The following GRIK4 variants were observed in gnomAD, a reference collection of about 807,000 sequenced individuals.
GRIK4 encodes glutamate receptor ionotropic, kainate 4.
Under a neutral mutation model 104.9 loss-of-function variants are expected in GRIK4, and 40 were observed. The ratio of observed to expected loss-of-function variants is 0.38; its 90% CI spans 0.30 to 0.50. The LOEUF (loss-of-function observed/expected upper bound fraction) is 0.50. Among genes scored for constraint, GRIK4 ranks in the 20% least tolerant of loss-of-function variants. The pLI is 0.93. For missense variants in GRIK4, 1,047 were observed against 1,308.1 expected (o/e 0.80, Z 3.08); for synonymous variants, 485 against 524.9 (o/e 0.92, Z 1.04).
intron 20 of GRIK4, among the ~76,000 whole-genome samples, chr11:120,984,780 AAAAC>A (rs961714377): frequency 5.6e-4 from 78 of 138,492 alleles, no homozygotes; most frequent in East Asian, 2.8e-3. Context: ...AAAAAAACCA[AAAAC>A]AAACAAACAA....
At chr11:120,748,665 C>A (rs1025986582) in intron 3 of GRIK4, among the ~76,000 whole-genome samples, 1 of 152,214 alleles carries the variant, frequency 6.6e-6, no homozygotes, top group Non-Finnish European at 1.5e-5. Flanking sequence ...ATGGCCTCCC[C>A]CTATACCTCA....
intron 8 of GRIK4, among the ~76,000 whole-genome samples, chr11:120,846,052 C>G (rs1198556232): frequency 6.6e-6 from 1 of 152,170 alleles, no homozygotes; most frequent in Admixed American, 6.5e-5. Flanking sequence ...GCTGCTAACC[C>G]TCCTGTACCT....
chr11:120,608,624 C>T (rs1948992363), intron 1 of GRIK4, among the ~76,000 whole-genome samples: 2 of 152,222 alleles, frequency 1.3e-5, no homozygotes, highest in South Asian at 4.1e-4. Context: ...GTGAGACTCA[C>T]AAGAATGATG....
At chr11:120,937,923 A>G (rs750744963) in intron 13 of GRIK4, among the ~76,000 whole-genome samples, 1 of 152,242 alleles carries the variant, frequency 6.6e-6, no homozygotes. Context: ...TGAGGAAAAT[A>G]AACTTGAGGA....
At chr11:120,794,450 C>T (rs1952471018) in intron 3 of GRIK4, among the ~76,000 whole-genome samples, 1 of 151,948 alleles carries the variant, frequency 6.6e-6, no homozygotes, top group Non-Finnish European at 1.5e-5. Flanking sequence ...TGAAGCCCCA[C>T]CCCCTAAGAC....
chr11:120,790,129 C>T (rs1952366279), intron 3 of GRIK4, among the ~76,000 whole-genome samples: 1 of 152,150 alleles, frequency 6.6e-6, no homozygotes, highest in South Asian at 2.1e-4. Flanking sequence ...ATATCACTTA[C>T]CGTATCAGGT....
At position 120,806,981 on chromosome 11, in the gene GRIK4, G is replaced by A. The variant is rs1448173769; in HGVS notation, c.247+4124G>A. Among the ~76,000 whole-genome samples the A allele has an allele frequency of 2.0e-5, 3 of 152,096 alleles. No homozygotes were observed. In the South Asian group the frequency reaches 6.2e-4, roughly 32 times the overall value. On this transcript the variant is annotated intron_variant, in intron 4 of 20. Coordinates refer to ENST00000527524, the MANE Select transcript of GRIK4 (RefSeq NM_014619.5). ...TATAATGGGTTTATTTAAAGTGAGG[G>A]TCACTTGTAAAGCTTTCTCCAGCCT...
chr11:120,798,015 A>G (rs1952552358), intron 3 of GRIK4, among the ~76,000 whole-genome samples: 1 of 152,282 alleles, frequency 6.6e-6, no homozygotes, highest in East Asian at 1.9e-4. Context: ...GAAATGTTTC[A>G]CAGTGTTCTG....
intron 3 of GRIK4, among the ~76,000 whole-genome samples, chr11:120,801,765 T>C (rs192821473): frequency 1.6e-4 from 24 of 152,328 alleles, no homozygotes; most frequent in African/African-American, 5.8e-4. Context: ...ATTAAGAATC[T>C]CTATAGCTAG....
intron 7 of GRIK4, among the ~76,000 whole-genome samples, chr11:120,833,414 G>A (rs1953490755): frequency 1.3e-5 from 2 of 152,196 alleles, no homozygotes; most frequent in South Asian, 4.1e-4. Flanking sequence ...GCTCCACCAA[G>A]TTTCACGAGA....
chr11:120,980,142 C>G (rs1484754147), intron 19 of GRIK4, among the ~76,000 whole-genome samples: 1 of 152,186 alleles, frequency 6.6e-6, no homozygotes, highest in Non-Finnish European at 1.5e-5. Context: ...AGCCCCTTTT[C>G]CTGTTTTCTA....
chr11:120,537,412 C>G (rs1406060977), intron 1 of GRIK4, among the ~76,000 whole-genome samples: 1 of 152,180 alleles, frequency 6.6e-6, no homozygotes, highest in Non-Finnish European at 1.5e-5. Context: ...ATCAAATCTA[C>G]CATCCTTAAT....
intron 3 of GRIK4, among the ~76,000 whole-genome samples, chr11:120,683,037 C>G (rs1950222546): frequency 6.6e-6 from 1 of 152,022 alleles, no homozygotes; most frequent in South Asian, 2.1e-4. Context: ...TGTCATCGTT[C>G]CTCAGAGATA....
intron 3 of GRIK4, among the ~76,000 whole-genome samples, chr11:120,680,426 C>T (rs975265678): frequency 6.6e-6 from 1 of 152,184 alleles, no homozygotes; most frequent in Non-Finnish European, 1.5e-5. Context: ...CTTGCCCTCT[C>T]TGGGGCTCCA....
intron 1 of GRIK4, among the ~76,000 whole-genome samples, chr11:120,572,590 C>T (rs1351778762): frequency 1.3e-5 from 2 of 152,164 alleles, no homozygotes; most frequent in African/African-American, 4.8e-5. Flanking sequence ...TCCCTCCCGT[C>T]TTTACAATCA....
In GRIK4 at chr11:120,831,769, C is replaced by CTCCG; in HGVS notation, c.512-81_512-78dup. The CTCCG allele has an allele frequency of 3.8e-6, 4 of 1,060,410 alleles. No individual in the cohort carries two copies. In the South Asian group the frequency reaches 5.9e-5, roughly 16 times the overall value. 65.7% of individuals were successfully genotyped at this position (1,060,410 alleles called of 1,614,324 possible). On this transcript the variant is annotated intron_variant, in intron 6 of 20. Coordinates refer to ENST00000527524, the MANE Select transcript of GRIK4 (RefSeq NM_014619.5). The stretch of plus-strand genomic sequence containing the variant: ...CCCCGACCCCACTTCCAGCCCACAT[C>CTCCG]TCCGTGCCTTCCTGCTTCTGCCCAG...
chr11:120,547,128 C>CCTTCCCTCT (rs1345207687), intron 1 of GRIK4, among the ~76,000 whole-genome samples: 1 of 152,186 alleles, frequency 6.6e-6, no homozygotes, highest in African/African-American at 2.4e-5. Flanking sequence ...CTTGAAGTCC[C>CCTTCCCTCT]CTTCCCTCTC....
chr11:120,962,791 G>T, intron 18 of GRIK4, 110 bp downstream of exon 18: 6 of 637,772 alleles, frequency 9.4e-6, no homozygotes, highest in Middle Eastern at 2.9e-4. Flanking sequence ...GTTAGAACCA[G>T]TTTAACAGTG....
intron 1 of GRIK4, chr11:120,620,222 C>T: frequency 1.3e-6 from 1 of 778,522 alleles, no homozygotes; most frequent in Non-Finnish European, 2.4e-6. Flanking sequence ...ACATACATGG[C>T]ATCAGGGCCT....
Sources: gnomAD v4.1 joint callset for allele counts (sites outside exome capture counted in the v4.1 genomes callset) on GRCh38, gnomAD v4.1.1 for gene constraint, MANE v1.5 for transcripts, NCBI Gene and HGNC (gene_info 2026-07-23, HGNC 2026-07-21) for gene names.